Variants in TCERG1L observed in about 807,000 individuals in gnomAD.
The protein encoded by TCERG1L is transcription elongation regulator 1 like, also known as transcription elongation regulator 1-like protein.
In TCERG1L, 37 loss-of-function variants were observed where a neutral mutation model predicts 56.3. That is an observed-to-expected ratio of 0.66 (90% confidence interval 0.51 to 0.87). The LOEUF is 0.87. Among genes scored for constraint, TCERG1L ranks in the 40% least tolerant of loss-of-function variants. TCERG1L has a pLI of 0.00. For synonymous variants in TCERG1L, 324 were observed against 326.3 expected, an observed-to-expected ratio of 0.99 and a Z score of 0.08; for missense variants, 799 against 774.2, an observed-to-expected ratio of 1.03 and a Z score of -0.38.
intron 6 of TCERG1L, among the ~76,000 whole-genome samples, chr10:131,151,664 C>G (rs1023141957): frequency 6.6e-6 from 1 of 152,154 alleles, no homozygotes. Context: ...AGGACAATGG[C>G]CTTCTTCTCA....
At chr10:131,244,931 T>C (rs771293328) in intron 4 of TCERG1L, among the ~76,000 whole-genome samples, 10 of 152,136 alleles carry the variant, frequency 6.6e-5, no homozygotes, top group Non-Finnish European at 1.2e-4. Flanking sequence ...GGTGTCTTCC[T>C]GCCCAGGACA....
At chr10:131,302,092 T>C (rs896401432) in intron 3 of TCERG1L, among the ~76,000 whole-genome samples, 3 of 152,096 alleles carry the variant, frequency 2.0e-5, no homozygotes, top group African/African-American at 4.8e-5. Flanking sequence ...TCCATACTAA[T>C]GCATTTGTAT....
chr10:131,117,291 C>G (rs774286010), intron 8 of TCERG1L, among the ~76,000 whole-genome samples: 3 of 152,246 alleles, frequency 2.0e-5, no homozygotes, highest in Non-Finnish European at 4.4e-5. Flanking sequence ...GCAGGGAAGC[C>G]AGGCCTCAGG....
At position 131,267,160 on chromosome 10, in the gene TCERG1L, A is replaced by G. The variant is rs1001546587; in HGVS notation, c.671-6716T>C. Reference sequence around the variant, plus strand: ...CAGGGGTACCCGCAGGCCAGTGCTGAGTTGCCACCAGCCCCGTCTCAGCCT... The same window carrying G: ...CAGGGGTACCCGCAGGCCAGTGCTGGGTTGCCACCAGCCCCGTCTCAGCCT... On this transcript the variant is annotated intron_variant, in intron 3 of 11. Coordinates refer to ENST00000368642, the MANE Select transcript of TCERG1L (RefSeq NM_174937.4). This position sits in a 1 kb window ranked among gnomAD's most constrained non-coding sequence, Gnocchi z 4.9. Among the ~76,000 whole-genome samples the G allele has an allele frequency of 6.6e-6, 1 of 152,068 alleles. No individual in the cohort carries two copies. Among genetic ancestry groups the G allele is most frequent in the African/African-American group, 2.4e-5 (1 of 41,432 alleles).
chr10:131,245,739 G>C (rs1459361839), intron 4 of TCERG1L, among the ~76,000 whole-genome samples: 1 of 152,222 alleles, frequency 6.6e-6, no homozygotes. Context: ...TCCTCATAAA[G>C]AGCTGGTCGA....
chr10:131,230,559 G>A (rs56946403), intron 4 of TCERG1L, among the ~76,000 whole-genome samples: 7,611 of 152,292 alleles, frequency 0.05, 490 homozygotes, highest in East Asian at 0.3. Context: ...CGAGCCTGGC[G>A]GGCCCAGATT....
chr10:131,225,794 G>A (rs1187124263), intron 4 of TCERG1L, among the ~76,000 whole-genome samples: 9 of 151,848 alleles, frequency 5.9e-5, no homozygotes, highest in African/African-American at 1.5e-4. Flanking sequence ...TCCGATAAAC[G>A]CAAGTGTGAT....
intron 9 of TCERG1L, among the ~76,000 whole-genome samples, chr10:131,108,228 C>A (rs1845373974): frequency 6.6e-6 from 1 of 152,154 alleles, no homozygotes; most frequent in African/African-American, 2.4e-5. Flanking sequence ...TTGTTTGGGC[C>A]CCACCCCAGA....
At position 131,256,992 on chromosome 10, in the gene TCERG1L, G is replaced by GGAAGGAAAGAAAAGAAA. The variant is rs1846173015; in HGVS notation, c.856+3266_856+3267insTTTCTTTTCTTTCCTTC. The stretch of plus-strand genomic sequence containing the variant: ...AGGAAGGAAGGAAGGAAGGAAGGAA[G>GGAAGGAAAGAAAAGAAA]GAAAGAAAGAAAGAAAGAAAGAAAG... On this transcript the variant is annotated intron_variant, in intron 4 of 11. Coordinates refer to ENST00000368642, the MANE Select transcript of TCERG1L (RefSeq NM_174937.4). 3.1e-3 allele frequency among the ~76,000 whole-genome samples: 181 copies of GGAAGGAAAGAAAAGAAA among 59,214 alleles called. 1 individual carries two copies. Among genetic ancestry groups the GGAAGGAAAGAAAAGAAA allele is most frequent in the African/African-American group, 9.9e-3 (179 of 18,144 alleles). 38.8% of individuals were successfully genotyped at this position (59,214 alleles called of 152,430 possible). A position where few individuals can be genotyped will look rare whatever the true frequency, so the allele number is the denominator to read the frequency against.
chr10:131,102,993 T>C (rs997873240), intron 10 of TCERG1L, among the ~76,000 whole-genome samples: 4 of 151,988 alleles, frequency 2.6e-5, no homozygotes, highest in African/African-American at 9.7e-5. Flanking sequence ...CTCCTTAAAA[T>C]AGTCCCCGGA....
At chr10:131,249,570 T>C (rs1382139042) in intron 4 of TCERG1L, among the ~76,000 whole-genome samples, 2 of 152,230 alleles carry the variant, frequency 1.3e-5, no homozygotes, top group African/African-American at 4.8e-5. Flanking sequence ...CCCAGTAGCA[T>C]GTTTCTTTCT....
chr10:131,131,012 G>A (rs1348256288), intron 8 of TCERG1L, among the ~76,000 whole-genome samples: 1 of 152,064 alleles, frequency 6.6e-6, no homozygotes, highest in Admixed American at 6.5e-5. Flanking sequence ...CAAATTGGTG[G>A]GGCATTCCCG....
intron 4 of TCERG1L, among the ~76,000 whole-genome samples, chr10:131,207,142 C>T (rs1314147552): frequency 1.3e-5 from 2 of 152,098 alleles, no homozygotes; most frequent in East Asian, 3.9e-4. Context: ...AGGGAGGTCC[C>T]CACCCCAATC....
intron 5 of TCERG1L, among the ~76,000 whole-genome samples, chr10:131,164,358 C>G (rs1846009449): frequency 6.6e-6 from 1 of 152,114 alleles, no homozygotes; most frequent in African/African-American, 2.4e-5. Flanking sequence ...AGATGAACTC[C>G]TTTAGCCATA....
intron 7 of TCERG1L, among the ~76,000 whole-genome samples, chr10:131,144,912 G>A (rs1005616249): frequency 2.6e-5 from 4 of 152,190 alleles, no homozygotes; most frequent in East Asian, 1.9e-4. Flanking sequence ...CCCTGAGACC[G>A]CAGGTGGCCC....
chr10:131,167,737 G>A (rs1846047507), intron 4 of TCERG1L, among the ~76,000 whole-genome samples: 1 of 152,202 alleles, frequency 6.6e-6, no homozygotes, highest in Admixed American at 6.5e-5. Flanking sequence ...GTTTTTCCAG[G>A]GGGCCGGACC....
At chr10:131,117,503 G>C (rs760354524) in intron 8 of TCERG1L, among the ~76,000 whole-genome samples, 5 of 152,264 alleles carry the variant, frequency 3.3e-5, no homozygotes, top group Non-Finnish European at 5.9e-5. Context: ...CAGGCACAGA[G>C]GACAGTGGAG....
chr10:131,216,354 T>C (rs1213546907), intron 4 of TCERG1L, among the ~76,000 whole-genome samples: 3 of 152,200 alleles, frequency 2.0e-5, no homozygotes, highest in Non-Finnish European at 4.4e-5. Context: ...GAGAGCCTTG[T>C]ACCATCTACT....
At chr10:131,243,308 G>GT (rs1309056022) in intron 4 of TCERG1L, among the ~76,000 whole-genome samples, 1 of 152,088 alleles carries the variant, frequency 6.6e-6, no homozygotes, top group Non-Finnish European at 1.5e-5. Flanking sequence ...ATGGCCAGGC[G>GT]TGAGGGCTCA....
Sources: gnomAD v4.1 joint callset for allele counts (sites outside exome capture counted in the v4.1 genomes callset) on GRCh38, gnomAD v4.1.1 for gene constraint, Gnocchi (gnomAD v3.1) non-coding constraint, MANE v1.5 for transcripts, NCBI Gene and HGNC (gene_info 2026-07-23, HGNC 2026-07-21) for gene names.